FCRL1: variants seen among roughly 807,000 people sequenced by gnomAD.
The protein encoded by FCRL1 is Fc receptor like 1, also known as Fc receptor-like protein 1.
Under a neutral mutation model 49.2 loss-of-function variants are expected in FCRL1, and 34 were observed. The ratio of observed to expected loss-of-function variants is 0.69; its 90% CI spans 0.53 to 0.92. The LOEUF is 0.92. FCRL1 is among the 40% of genes least tolerant of loss of function. FCRL1 has a pLI of 0.00. For missense variants in FCRL1, 524 were observed against 524.1 expected (o/e 1.00, Z 0.00); for synonymous variants, 218 against 201.6 (o/e 1.08, Z -0.69).
rs531254769 is a variant in FCRL1 at position 157,802,709 on chromosome 1, G to C, written c.320-45C>G. 184 of 1,564,708 alleles carry C rather than the reference G, an allele frequency of 1.2e-4. 3 individuals carry two copies. The highest frequency in any genetic ancestry group is 1.1e-3 in the South Asian group (92 of 84,806). On this transcript the variant is annotated intron_variant, in intron 3 of 10. Coordinates refer to ENST00000368176, the MANE Select transcript of FCRL1 (RefSeq NM_052938.5). ...CATAGGAAGACCCTGTGCAGGGAGA[G>C]TTTCAAAGACAGTAAGTAGATATGA...
rs1653582835 is a variant in FCRL1, at chr1:157,807,041, G to A, written c.52+61C>T. On this transcript the variant is annotated intron_variant, in intron 2 of 10. Transcript: ENST00000368176. ...TAAGACAGCAATCTGCAGGCCTCCTGTGCTGACCTAAGTAACAAAATACCC... is the reference window on the plus strand; with the variant it reads ...TAAGACAGCAATCTGCAGGCCTCCTATGCTGACCTAAGTAACAAAATACCC... The A allele has an allele frequency of 1.9e-6, 3 of 1,598,770 alleles. No homozygotes were observed. The East Asian group carries it at 6.7e-5, about 36-fold the overall frequency.
Position 157,802,147 on chromosome 1 carries a change from C to T in FCRL1, c.654G>A (p.Gln218=). 2 of 1,614,172 alleles carry T rather than the reference C, an allele frequency of 1.2e-6. No homozygotes were observed. The highest frequency in any genetic ancestry group is 1.7e-6 in the Non-Finnish European group (2 of 1,179,998). The change falls in exon 5 of 11, where the codon CAG becomes CAA. Residue 218 remains glutamine, a synonymous_variant. Coordinates refer to ENST00000368176, the MANE Select transcript of FCRL1 (RefSeq NM_052938.5). ...PILMLRAPRA[Q]AAVEDVLELH... is the part of the protein sequence containing the mutation. Reference sequence around the variant, plus strand: ...GCTCCAGCACATCCTCCACTGCAGCCTGGGCCCTGGGAGCCCTGAGCATGA... The same window carrying T: ...GCTCCAGCACATCCTCCACTGCAGCTTGGGCCCTGGGAGCCCTGAGCATGA...
chr1:157,796,821 A>G (rs1651562944), intron 10 of FCRL1, among the ~76,000 whole-genome samples: 1 of 152,264 alleles, frequency 6.6e-6, no homozygotes, highest in African/African-American at 2.4e-5. Context: ...AGATTTTCCA[A>G]TAAATAGAAT....
chr1:157,806,887 C>G (rs1183165643), intron 2 of FCRL1: 1 of 530,182 alleles, frequency 1.9e-6, no homozygotes, highest in Non-Finnish European at 3.4e-6. Flanking sequence ...CTGTTCACCC[C>G]ACTGAGCAGA....
At position 157,809,287 on chromosome 1, in the gene FCRL1, G is replaced by A. The variant is rs78297082; in HGVS notation, c.32-2165C>T. ...GCAAAAGATCCAAGCCAGATGCAGT[G>A]GCTTATGACTGTAATCCCAACACTT... On this transcript the variant is annotated intron_variant, in intron 1 of 10. Coordinates refer to ENST00000368176, the MANE Select transcript of FCRL1 (RefSeq NM_052938.5). Among the ~76,000 whole-genome samples the A allele has an allele frequency of 4.9e-3, 753 of 152,178 alleles. 5 individuals are homozygous for A. Among genetic ancestry groups the A allele is most frequent in the African/African-American group, 0.016 (680 of 41,502 alleles).
In FCRL1 at chr1:157,797,081, A is replaced by C; in HGVS notation, c.1218+20T>G. 3.1e-6 allele frequency: 5 copies of C among 1,612,318 alleles called. No individual in the cohort carries two copies. The highest frequency in any genetic ancestry group is 4.2e-6 in the Non-Finnish European group (5 of 1,178,866). ...AGAGGAAAGAAAGAACATGGAAGAA[A>C]GAACAATAGAGACTCTTACCTTGTC... On this transcript the variant is annotated intron_variant, in intron 10 of 10. Coordinates refer to ENST00000368176, the MANE Select transcript of FCRL1 (RefSeq NM_052938.5).
chr1:157,798,511 T>C (rs1322546020), intron 7 of FCRL1, among the ~76,000 whole-genome samples: 1 of 152,156 alleles, frequency 6.6e-6, no homozygotes, highest in East Asian at 1.9e-4. Context: ...ATTCACATCA[T>C]GAGTGCTCCC....
At chr1:157,816,394 C>G (rs1018685262) in intron 1 of FCRL1, among the ~76,000 whole-genome samples, 2 of 151,824 alleles carry the variant, frequency 1.3e-5, no homozygotes, top group African/African-American at 4.8e-5. Context: ...ATTCAACATC[C>G]ATTTACGTTA....
intron 7 of FCRL1, among the ~76,000 whole-genome samples, chr1:157,799,606 C>G (rs1014314117): frequency 7.9e-5 from 12 of 151,262 alleles, no homozygotes; most frequent in Non-Finnish European, 1.8e-4. Context: ...TGAGACTTTG[C>G]TGGAAGGGGA....
At chr1:157,800,465 C>G (rs1652266439) in intron 6 of FCRL1, among the ~76,000 whole-genome samples, 1 of 152,178 alleles carries the variant, frequency 6.6e-6, no homozygotes, top group African/African-American at 2.4e-5. Flanking sequence ...GTGAGGTACC[C>G]AAATATGTCA....
chr1:157,796,401 C>A (rs1651485766), intron 10 of FCRL1, among the ~76,000 whole-genome samples: 1 of 152,184 alleles, frequency 6.6e-6, no homozygotes, highest in African/African-American at 2.4e-5. Context: ...ACATACAGTG[C>A]CTTCGCTCAT....
intron 2 of FCRL1, among the ~76,000 whole-genome samples, chr1:157,805,820 C>T (rs1460725770): frequency 6.6e-6 from 1 of 152,144 alleles, no homozygotes; most frequent in African/African-American, 2.4e-5. Flanking sequence ...AACTTGAACC[C>T]AGGAGGCAGA....
chr1:157,818,451 T>C (rs1655345705), intron 1 of FCRL1, among the ~76,000 whole-genome samples: 2 of 151,966 alleles, frequency 1.3e-5, no homozygotes, highest in South Asian at 2.1e-4. Flanking sequence ...TCTGAAAACG[T>C]TGATCTCATA....
chr1:157,805,398 A>T (rs372372671), intron 2 of FCRL1, among the ~76,000 whole-genome samples: 5 of 152,214 alleles, frequency 3.3e-5, no homozygotes, highest in African/African-American at 1.2e-4. Flanking sequence ...TAAAGGGTGA[A>T]TTACTAGGAA....
chr1:157,802,582 G>A lies in FCRL1; in HGVS notation c.402C>T (p.Cys134=), dbSNP rs929309344. The A allele has an allele frequency of 5.0e-6, 8 of 1,614,086 alleles. No individual in the cohort carries two copies. In the African/African-American group the frequency reaches 8.0e-5, roughly 16 times the overall value. The change falls in exon 4 of 11, where the codon TGC becomes TGT. Residue 134 remains cysteine (C), a synonymous_variant. Transcript: ENST00000368176. ...VMEGDRLVLI[C]SVAMGTGDIT... ...TGTCTCCTGTGCCCATAGCAACTGA[G>A]CAGATGAGGACCAGCCTGTCTCCCT...
At position 157,795,820 on chromosome 1, in the gene FCRL1, T is replaced by C; in HGVS notation, c.*279A>G. On this transcript the variant is annotated 3_prime_UTR_variant, in exon 11 of 11. Coordinates refer to ENST00000368176, the MANE Select transcript of FCRL1 (RefSeq NM_052938.5). ...TTTTATTCCATCTTGTTTCCTCTTG[T>C]AAACAGAAGAGCACAATATGACCTG... 6.2e-6 allele frequency: 2 copies of C among 322,062 alleles called. No homozygotes were observed. Among genetic ancestry groups the C allele is most frequent in the South Asian group, 6.8e-5 (1 of 14,632 alleles). The allele number at this position is 322,062 out of a possible 1,614,324, so 20.0% of individuals were successfully genotyped here.
At chr1:157,807,068 C>CAG in intron 2 of FCRL1, 34 bp downstream of exon 2, 1 of 1,613,222 alleles carries the variant, frequency 6.2e-7, no homozygotes, top group Non-Finnish European at 8.5e-7. Context: ...AAAATACCCA[C>CAG]AGACCTTGAA....
intron 1 of FCRL1, among the ~76,000 whole-genome samples, chr1:157,809,139 G>T (rs1653922019): frequency 6.6e-6 from 1 of 152,178 alleles, no homozygotes; most frequent in South Asian, 2.1e-4. Flanking sequence ...GTGAAAGCTG[G>T]AGAAATAAGC....
chr1:157,807,327 C>T (rs777326867), intron 1 of FCRL1, among the ~76,000 whole-genome samples: 1 of 151,986 alleles, frequency 6.6e-6, no homozygotes, highest in Non-Finnish European at 1.5e-5. Context: ...CTTACCCCTG[C>T]TTCTTTTCTT....
Sources: allele counts gnomAD v4.1 joint callset (sites outside exome capture counted in the v4.1 genomes callset), GRCh38; gene constraint gnomAD v4.1.1; transcripts MANE v1.5; gene names NCBI Gene and HGNC (gene_info 2026-07-23, HGNC 2026-07-21).